The following C1orf105 variants were observed in gnomAD, a reference collection of about 807,000 sequenced individuals.
C1orf105 encodes chromosome 1 open reading frame 105, also known as uncharacterized protein C1orf105.
C1orf105 carries 17 observed loss-of-function variants against 20.8 expected under a neutral mutation model. The ratio of observed to expected loss-of-function variants is 0.82; its 90% CI spans 0.56 to 1.23. The LOEUF (loss-of-function observed/expected upper bound fraction) is 1.23. Among genes scored for constraint, C1orf105 ranks in the 50% most tolerant of loss-of-function variants. The pLI, the probability that C1orf105 is intolerant of heterozygous loss-of-function variation, is 0.00. For missense variants in C1orf105, 219 were observed against 213.5 expected (o/e 1.03, Z -0.16); for synonymous variants, 72 against 72.1 (o/e 1.00, Z 0.01).
chr1:172,425,909 C>T (rs1440179913), intron 1 of C1orf105, among the ~76,000 whole-genome samples: 1 of 145,444 alleles, frequency 6.9e-6, no homozygotes, highest in African/African-American at 2.5e-5. Flanking sequence ...CTCACTACTA[C>T]TATCTGCCTT....
At chr1:172,435,334 C>T (rs2072004907) in intron 1 of C1orf105, among the ~76,000 whole-genome samples, 1 of 152,094 alleles carries the variant, frequency 6.6e-6, no homozygotes, top group Non-Finnish European at 1.5e-5. Context: ...AATGTCGATG[C>T]AAAAATCCTC....
chr1:172,456,558 C>T, intron 4 of C1orf105, 69 bp downstream of exon 4: 1 of 1,473,438 alleles, frequency 6.8e-7, no homozygotes, highest in Admixed American at 1.7e-5. Flanking sequence ...CCCAGCCAAG[C>T]CCTGTGGGGA....
In C1orf105 at chr1:172,448,536, T is replaced by C; in HGVS notation, c.198+5T>C. Reference sequence around the variant, plus strand: ...GTTCCAGATGTTTTATCTAAGGTACTAAAAAATTTTTGTTGAAATGAAACC... The same window carrying C: ...GTTCCAGATGTTTTATCTAAGGTACCAAAAAATTTTTGTTGAAATGAAACC... On this transcript the variant is annotated splice_donor_5th_base_variant and intron_variant, in intron 3 of 6. Transcript: ENST00000367727. The C allele has an allele frequency of 6.3e-7, 1 of 1,578,904 alleles. No homozygotes were observed. The highest frequency in any genetic ancestry group is 8.7e-7 in the Non-Finnish European group (1 of 1,149,250).
intron 1 of C1orf105, among the ~76,000 whole-genome samples, chr1:172,424,166 C>T (rs2071663232): frequency 6.6e-6 from 1 of 152,182 alleles, no homozygotes; most frequent in African/African-American, 2.4e-5. Context: ...CCCCAGTTCA[C>T]ATCTTCAATG....
chr1:172,428,224 CCT>C (rs985495295), intron 1 of C1orf105, among the ~76,000 whole-genome samples: 18 of 152,194 alleles, frequency 1.2e-4, no homozygotes, highest in African/African-American at 2.4e-4. Context: ...CCTCTGCCAT[CCT>C]CTGTTTTGAG....
chr1:172,466,490 A>G (rs1217465182), intron 6 of C1orf105, among the ~76,000 whole-genome samples: 1 of 152,012 alleles, frequency 6.6e-6, no homozygotes, highest in African/African-American at 2.4e-5. Context: ...TTTCATAGTT[A>G]TCTGTGCCAG....
chr1:172,429,274 A>T (rs2071805671), intron 1 of C1orf105, among the ~76,000 whole-genome samples: 1 of 152,042 alleles, frequency 6.6e-6, no homozygotes, highest in Admixed American at 6.5e-5. Flanking sequence ...ACACACATAC[A>T]CACACAACGT....
intron 6 of C1orf105, 44 bp downstream of exon 6, chr1:172,465,407 A>C: frequency 7.3e-7 from 1 of 1,369,862 alleles, no homozygotes; most frequent in East Asian, 2.3e-5. Context: ...ACACACTAGA[A>C]AAAAATGCCA....
chr1:172,445,020 T>A, intron 1 of C1orf105, 53 bp from the exon 2 acceptor site: 1 of 1,431,328 alleles, frequency 7.0e-7, no homozygotes, highest in Non-Finnish European at 9.8e-7. Flanking sequence ...ATCGTAATGA[T>A]AGCAATGTTT....
At chr1:172,422,207 T>TAAA (rs2071610127) in intron 1 of C1orf105, among the ~76,000 whole-genome samples, 4 of 152,160 alleles carry the variant, frequency 2.6e-5, no homozygotes, top group Non-Finnish European at 5.9e-5. Flanking sequence ...ACACAGCTTA[T>TAAA]GGCTCCAAAA....
Position 172,448,467 on chromosome 1 carries a change from T to A in C1orf105, c.134T>A (p.Leu45Gln). ...TATCCTCATACCTCTGCGACTTTTC[T>A]GACTTCATCCAAGAAGAATATGAAT... The part of the protein sequence containing the change: ...RRYPHTSATF[L>Q]TSSKKNMNLP... Residue 45 changes from leucine (L) to glutamine (Q), a missense_variant, in exon 3 of 7, where the codon CTG becomes CAG. Coordinates refer to ENST00000367727, the MANE Select transcript of C1orf105 (RefSeq NM_139240.4). 1 of 1,613,226 alleles carries A rather than the reference T, an allele frequency of 6.2e-7. No homozygotes were observed. Among genetic ancestry groups the A allele is most frequent in the Non-Finnish European group, 8.5e-7 (1 of 1,179,134 alleles).
chr1:172,463,739 C>T (rs371418747), intron 5 of C1orf105, among the ~76,000 whole-genome samples: 1 of 152,128 alleles, frequency 6.6e-6, no homozygotes, highest in Non-Finnish European at 1.5e-5. Flanking sequence ...ATACAAAATT[C>T]CAGAACATTA....
At chr1:172,427,320 C>T (rs2071748788) in intron 1 of C1orf105, among the ~76,000 whole-genome samples, 2 of 152,352 alleles carry the variant, frequency 1.3e-5, no homozygotes, top group Middle Eastern at 3.4e-3. Context: ...AGGCTTTGCA[C>T]TTGTGCACTT....
At chr1:172,424,442 G>A (rs2071672548) in intron 1 of C1orf105, among the ~76,000 whole-genome samples, 1 of 152,202 alleles carries the variant, frequency 6.6e-6, no homozygotes, top group African/African-American at 2.4e-5. Flanking sequence ...CCAGGCTGGA[G>A]TGCAGTGGCA....
chr1:172,430,119 T>G, intron 1 of C1orf105, among the ~76,000 whole-genome samples: 1 of 152,174 alleles, frequency 6.6e-6, no homozygotes, highest in East Asian at 1.9e-4. Flanking sequence ...CTCCTCACCT[T>G]TCCCCCTTTC....
At chr1:172,467,291 A>G (rs1225159377) in intron 6 of C1orf105, among the ~76,000 whole-genome samples, 5 of 152,234 alleles carry the variant, frequency 3.3e-5, no homozygotes, top group Admixed American at 2.6e-4. Flanking sequence ...ATTACTGCCA[A>G]TGACTGTCTA....
chr1:172,426,511 G>C lies in C1orf105; in HGVS notation c.21+5605G>C, dbSNP rs144180285. On this transcript the variant is annotated intron_variant, in intron 1 of 6. Transcript: ENST00000367727. Reference sequence around the variant, plus strand: ...TCTTGGGGATTTTCATACGCTTCTTGGTAATCCACCCTCACCCTGCCTCTC... The same window carrying C: ...TCTTGGGGATTTTCATACGCTTCTTCGTAATCCACCCTCACCCTGCCTCTC... Among the ~76,000 whole-genome samples, 212 of 151,294 alleles carry C rather than the reference G, an allele frequency of 1.4e-3. 1 individual carries two copies. Among genetic ancestry groups the C allele is most frequent in the African/African-American group, 5.1e-3 (209 of 41,300 alleles).
chr1:172,445,037 G>T, intron 1 of C1orf105, 36 bp from the exon 2 acceptor site: 1 of 1,532,284 alleles, frequency 6.5e-7, no homozygotes, highest in East Asian at 2.2e-5. Flanking sequence ...GTTTAAGTGT[G>T]ATATATTCTG....
At chr1:172,439,448 C>A (rs995661561) in intron 1 of C1orf105, among the ~76,000 whole-genome samples, 3 of 152,158 alleles carry the variant, frequency 2.0e-5, no homozygotes, top group African/African-American at 7.2e-5. Flanking sequence ...CCCACAGCTA[C>A]CACTTTTCTG....
Sources: gnomAD v4.1 joint callset for allele counts (sites outside exome capture counted in the v4.1 genomes callset) on GRCh38, gnomAD v4.1.1 for gene constraint, MANE v1.5 for transcripts, NCBI Gene and HGNC (gene_info 2026-07-23, HGNC 2026-07-21) for gene names.